USP33: variants seen among roughly 807,000 people sequenced by gnomAD.
USP33 encodes the protein ubiquitin carboxyl-terminal hydrolase 33.
A neutral mutation model predicts 124.2 loss-of-function variants in USP33; 46 were observed. That is an observed-to-expected ratio of 0.37 (90% confidence interval 0.29 to 0.47). USP33 has a LOEUF of 0.47. Among genes scored for constraint, USP33 ranks in the 20% least tolerant of loss-of-function variants. The probability of loss-of-function intolerance (pLI) is 0.99; values close to 1 mark genes in which losing one functional copy is unlikely to be tolerated. For synonymous variants in USP33, 350 were observed against 352.3 expected (o/e 0.99, Z 0.07); for missense variants, 851 against 1,070.6 (o/e 0.79, Z 2.86).
At chr1:77,729,375 A>AG (rs1677535541) in intron 9 of USP33, among the ~76,000 whole-genome samples, 1 of 151,548 alleles carries the variant, frequency 6.6e-6, no homozygotes, top group Admixed American at 6.6e-5. Context: ...CTCTTAAAAA[A>AG]AAAAAAAAAA....
intron 5 of USP33, among the ~76,000 whole-genome samples, chr1:77,736,920 C>T (rs1015168301): frequency 3.3e-5 from 5 of 151,828 alleles, no homozygotes; most frequent in Non-Finnish European, 5.9e-5. Context: ...CACACTTTTA[C>T]GTATATTAAA....
At chr1:77,709,616 TTC>T (rs776300273) in intron 21 of USP33, among the ~76,000 whole-genome samples, 44 of 151,156 alleles carry the variant, frequency 2.9e-4, no homozygotes, top group Admixed American at 2.8e-3. Flanking sequence ...ATAGAACATA[TTC>T]TCTCTCTATA....
intron 4 of USP33, 34 bp from the exon 5 acceptor site, chr1:77,739,451 C>A: frequency 2.6e-6 from 4 of 1,524,666 alleles, no homozygotes; most frequent in South Asian, 2.7e-5. Flanking sequence ...AAAAGAGGAA[C>A]CAAAATTACA....
intron 1 of USP33, among the ~76,000 whole-genome samples, chr1:77,753,179 T>C (rs572731015): frequency 2.6e-5 from 4 of 152,330 alleles, no homozygotes; most frequent in South Asian, 2.1e-4. Flanking sequence ...ATCAACCATA[T>C]AAACTGAGAC....
In USP33 at chr1:77,714,650, G is replaced by C. The variant is rs1675659776; in HGVS notation, c.2179C>G (p.Pro727Ala). ...CAAAGAAAGTCATTATTTGAAATAG[G>C]GCCAGGTTCGGCAAAGGTCTTAAAT... is the stretch of plus-strand genomic sequence containing the variant. ...NKFKTFAEPG[P>A]ISNNDFLCIH... Residue 727 changes from proline to alanine, a missense_variant, in exon 19 of 24, where the codon CCT becomes GCT. Physicochemically the swap from Pro to Ala is conservative, Grantham distance 27. Transcript: ENST00000370794. 1.2e-6 allele frequency: 2 copies of C among 1,613,312 alleles called. No homozygotes were observed. The highest frequency in any genetic ancestry group is 1.7e-6 in the Non-Finnish European group (2 of 1,179,942).
intron 1 of USP33, among the ~76,000 whole-genome samples, chr1:77,755,573 C>T (rs372623894): frequency 1.4e-4 from 22 of 152,120 alleles, no homozygotes; most frequent in East Asian, 1.2e-3. Flanking sequence ...TGGCGTGCGC[C>T]TGTAATCTCA....
intron 7 of USP33, 83 bp from the exon 8 acceptor site, chr1:77,730,814 A>T: frequency 2.3e-6 from 2 of 860,134 alleles, no homozygotes; most frequent in Non-Finnish European, 3.4e-6. Context: ...CTGACAACAC[A>T]TACATTCCTT....
intron 10 of USP33, among the ~76,000 whole-genome samples, chr1:77,727,765 AG>A (rs1392626983): frequency 6.6e-6 from 1 of 152,244 alleles, no homozygotes; most frequent in Non-Finnish European, 1.5e-5. Context: ...TAACTCTTGA[AG>A]AGATAAATTA....
At chr1:77,719,856 GA>G (rs554573074) in intron 15 of USP33, among the ~76,000 whole-genome samples, 250 of 100,192 alleles carry the variant, frequency 2.5e-3, no homozygotes, top group Non-Finnish European at 3.7e-3. Context: ...TCCCTCTCAA[GA>G]AAAAAAAAAA....
chr1:77,713,206 T>TA lies in USP33; in HGVS notation c.2290dup (p.Tyr764LeufsTer2). On this transcript the variant is annotated frameshift_variant, in exon 20 of 24. Coordinates refer to ENST00000370794, the MANE Select transcript of USP33 (RefSeq NM_201624.3). LOFTEE classifies it high-confidence loss of function. ...TCTGATTTAAAAAACAAACCTGCTATATAGGTTATCCCAAATGTTCTGAGG... is the reference window on the plus strand; with the variant it reads ...TCTGATTTAAAAAACAAACCTGCTATAATAGGTTATCCCAAATGTTCTGAGG... 6.3e-7 allele frequency: 1 copy of TA among 1,596,278 alleles called. No homozygotes were observed. Among genetic ancestry groups the TA allele is most frequent in the Non-Finnish European group, 8.5e-7 (1 of 1,174,864 alleles).
In USP33 at chr1:77,739,271, A is replaced by G. The variant is rs1678843152; in HGVS notation, c.345T>C (p.Ser115=). The G allele has an allele frequency of 1.2e-6, 2 of 1,611,054 alleles. No individual in the cohort carries two copies. The highest frequency in any genetic ancestry group is 1.1e-5 in the South Asian group (1 of 90,272). The part of the protein sequence containing the change: ...VRQPHQIQEN[S]VQDFKIPSNT... ...AGTGGATCTAGATTATTACCTGGAC[A>G]CTGTTTTCTTGTATTTGGTGAGGTT... is the stretch of plus-strand genomic sequence containing the variant. The change falls in exon 5 of 24, where the codon AGT becomes AGC. Residue 115 remains serine (S), a synonymous_variant. Transcript: ENST00000370794.
chr1:77,749,842 G>C (rs1011827150), intron 1 of USP33, among the ~76,000 whole-genome samples: 1 of 152,098 alleles, frequency 6.6e-6, no homozygotes, highest in African/African-American at 2.4e-5. Flanking sequence ...TGCCTCAGAG[G>C]AAAGAAATGG....
chr1:77,699,232 AG>A (rs1262626987), intron 22 of USP33, among the ~76,000 whole-genome samples: 5 of 152,206 alleles, frequency 3.3e-5, no homozygotes, highest in Non-Finnish European at 5.9e-5. Flanking sequence ...TAAAAAGTCA[AG>A]AAACAGGCTG....
intron 10 of USP33, 89 bp downstream of exon 10, chr1:77,728,206 T>C: frequency 2.2e-6 from 3 of 1,346,746 alleles, no homozygotes; most frequent in Non-Finnish European, 3.0e-6. Context: ...ATAATTCTAA[T>C]TAGAAATACC....
intron 23 of USP33, 106 bp downstream of exon 23, chr1:77,697,757 A>G: frequency 8.5e-7 from 1 of 1,177,718 alleles, no homozygotes; most frequent in South Asian, 1.5e-5. Context: ...TGTATGGATT[A>G]CATTCTTCAG....
chr1:77,710,868 G>A (rs757654495), intron 21 of USP33, among the ~76,000 whole-genome samples: 2 of 152,152 alleles, frequency 1.3e-5, no homozygotes, highest in Non-Finnish European at 2.9e-5. Flanking sequence ...TTGGAGTTAT[G>A]TTACTGACAA....
At chr1:77,749,976 T>C (rs1019764767) in intron 1 of USP33, among the ~76,000 whole-genome samples, 1 of 152,196 alleles carries the variant, frequency 6.6e-6, no homozygotes, top group African/African-American at 2.4e-5. Flanking sequence ...AAAACATAAA[T>C]ACATTCTCTC....
At chr1:77,699,540 CAA>C (rs1310815449) in intron 22 of USP33, among the ~76,000 whole-genome samples, 1 of 152,196 alleles carries the variant, frequency 6.6e-6, no homozygotes, top group East Asian at 1.9e-4. Flanking sequence ...AGTCAAGAAA[CAA>C]GAGATGCTGG....
chr1:77,731,999 C>T (rs541961052), intron 7 of USP33, among the ~76,000 whole-genome samples: 1 of 151,590 alleles, frequency 6.6e-6, no homozygotes, highest in African/African-American at 2.4e-5. Flanking sequence ...AGCTACTTGG[C>T]AGGCTGAGGC....
Sources: gnomAD v4.1 joint callset for allele counts (sites outside exome capture counted in the v4.1 genomes callset) on GRCh38, gnomAD v4.1.1 for gene constraint, MANE v1.5 for transcripts, NCBI Gene and HGNC (gene_info 2026-07-23, HGNC 2026-07-21) for gene names.